The following LHFPL6 variants were observed in gnomAD, a reference collection of about 807,000 sequenced individuals.
LHFPL6 encodes the protein LHFPL tetraspan subfamily member 6 protein.
LHFPL6 carries 9 observed loss-of-function variants against 20.6 expected under a neutral mutation model. The ratio of observed to expected loss-of-function variants is 0.44; its 90% CI spans 0.26 to 0.76. The LOEUF (loss-of-function observed/expected upper bound fraction) is 0.76. Ranked by LOEUF, LHFPL6 falls within the 30% of genes least tolerant of loss-of-function variation. The pLI is 0.20. For missense variants in LHFPL6, 218 were observed against 253.5 expected, an observed-to-expected ratio of 0.86 and a Z score of 0.95; for synonymous variants, 105 against 98.7, an observed-to-expected ratio of 1.06 and a Z score of -0.38.
intron 2 of LHFPL6, among the ~76,000 whole-genome samples, chr13:39,488,914 T>A (rs1316836817): frequency 6.6e-6 from 1 of 152,212 alleles, no homozygotes; most frequent in Non-Finnish European, 1.5e-5. Context: ...TTAGATTCTA[T>A]CTCCTTCATC....
rs150965179 is a variant in LHFPL6 at position 39,397,803 on chromosome 13, T to C, written c.386-19277A>G. 2.6e-5 allele frequency among the ~76,000 whole-genome samples: 4 copies of C among 152,294 alleles called. No individual in the cohort carries two copies. In the East Asian group the frequency reaches 7.7e-4, roughly 29 times the overall value. The stretch of plus-strand genomic sequence containing the variant: ...AATAATTTCCGTTGTCTTCCTTTTG[T>C]TGGAAAGGGGGGGTTACTCAGAAAG... On this transcript the variant is annotated intron_variant, in intron 2 of 3. Transcript: ENST00000379589.
chr13:39,538,282 G>T (rs979264109), intron 2 of LHFPL6, among the ~76,000 whole-genome samples: 1 of 151,254 alleles, frequency 6.6e-6, no homozygotes, highest in African/African-American at 2.4e-5. Flanking sequence ...GAGCCACCAC[G>T]CCCAGCCCAT....
At chr13:39,542,594 G>A (rs1870845262) in intron 2 of LHFPL6, among the ~76,000 whole-genome samples, 1 of 152,182 alleles carries the variant, frequency 6.6e-6, no homozygotes, top group Non-Finnish European at 1.5e-5. Flanking sequence ...TGTTTAACAA[G>A]CCACTCCACT....
intron 2 of LHFPL6, among the ~76,000 whole-genome samples, chr13:39,512,560 C>T (rs1273988996): frequency 2.0e-5 from 3 of 149,614 alleles, no homozygotes; most frequent in East Asian, 3.9e-4. Context: ...CGAGATTGCG[C>T]CACTGCACTC....
intron 3 of LHFPL6, among the ~76,000 whole-genome samples, chr13:39,372,505 A>T (rs1001984036): frequency 6.6e-6 from 1 of 152,232 alleles, no homozygotes; most frequent in South Asian, 2.1e-4. Flanking sequence ...AAATGTGTGG[A>T]TTCACACCTA....
At chr13:39,558,908 T>C (rs902283042) in intron 2 of LHFPL6, among the ~76,000 whole-genome samples, 1 of 152,222 alleles carries the variant, frequency 6.6e-6, no homozygotes, top group Admixed American at 6.5e-5. Flanking sequence ...ATGAATATCG[T>C]TAGAAAATTC....
intron 2 of LHFPL6, among the ~76,000 whole-genome samples, chr13:39,556,836 C>A (rs1871317591): frequency 6.7e-6 from 1 of 149,656 alleles, no homozygotes; most frequent in Non-Finnish European, 1.5e-5. Context: ...ATGGCACATC[C>A]CTGTAGTCCC....
Position 39,421,770 on chromosome 13 carries a change from G to A in LHFPL6, c.386-43244C>T, listed in dbSNP as rs1297811863. 3.3e-5 allele frequency among the ~76,000 whole-genome samples: 5 copies of A among 152,172 alleles called. No individual in the cohort carries two copies. The East Asian group carries it at 7.7e-4, about 23-fold the overall frequency. On this transcript the variant is annotated intron_variant, in intron 2 of 3. Transcript: ENST00000379589. ...TATTGGGGAGAGGATGGAAAAGGCT[G>A]AAAAATGGTTTCAGACTGTCACATT...
At chr13:39,430,708 A>C (rs1443586881) in intron 2 of LHFPL6, among the ~76,000 whole-genome samples, 1 of 152,190 alleles carries the variant, frequency 6.6e-6, no homozygotes, top group Non-Finnish European at 1.5e-5. Flanking sequence ...GTTTGTAAAC[A>C]CATCAATCGG....
In LHFPL6 at chr13:39,343,300, G is replaced by A. The variant is rs1015801573; in HGVS notation, c.*636C>T. 42 of 220,304 alleles carry A rather than the reference G, an allele frequency of 1.9e-4. No individual in the cohort carries two copies. Among genetic ancestry groups the A allele is most frequent in the African/African-American group, 7.6e-4 (34 of 44,670 alleles). The allele number at this position is 220,304 out of a possible 1,614,324, so 13.6% of individuals were successfully genotyped here. On this transcript the variant is annotated 3_prime_UTR_variant, in exon 4 of 4. Coordinates refer to ENST00000379589, the MANE Select transcript of LHFPL6 (RefSeq NM_005780.3). ...TATTGGTCCATTTATTAGGCTTAAT[G>A]TATGTTTTATAAAGTGATAATACTG...
In LHFPL6 at chr13:39,572,183, C is replaced by A. The variant is rs149177956; in HGVS notation, c.385+28649G>T. On this transcript the variant is annotated intron_variant, in intron 2 of 3. Transcript: ENST00000379589. ...GTAAGCTTTCATAAAAATAAAGACA[C>A]CTAATATTGCATACAATCAAATATA... is the stretch of plus-strand genomic sequence containing the variant. Among the ~76,000 whole-genome samples, 250 of 152,192 alleles carry A rather than the reference C, an allele frequency of 1.6e-3. 3 individuals are homozygous for A. The highest frequency in any genetic ancestry group is 6.8e-3 in the Middle Eastern group (2 of 294).
intron 2 of LHFPL6, among the ~76,000 whole-genome samples, chr13:39,586,422 A>C (rs1446173164): frequency 6.6e-6 from 1 of 152,194 alleles, no homozygotes; most frequent in Non-Finnish European, 1.5e-5. Context: ...ACATCTACAT[A>C]CCATGGTAAC....
At chr13:39,542,780 C>A (rs1397965472) in intron 2 of LHFPL6, among the ~76,000 whole-genome samples, 1 of 152,208 alleles carries the variant, frequency 6.6e-6, no homozygotes, top group East Asian at 1.9e-4. Flanking sequence ...ACTTGTCGAG[C>A]CCGTTATGTG....
chr13:39,347,486 A>G (rs1869441064), intron 3 of LHFPL6, among the ~76,000 whole-genome samples: 1 of 152,218 alleles, frequency 6.6e-6, no homozygotes, highest in Non-Finnish European at 1.5e-5. Flanking sequence ...TTTTGGAGAG[A>G]ACTTCCCAAA....
At position 39,345,512 on chromosome 13, in the gene LHFPL6, C is replaced by CAAAAAAAAAAAAAAAAAAAAA. The variant is rs71077225; in HGVS notation, c.485-1479_485-1459dup. Among the ~76,000 whole-genome samples, 41 of 43,450 alleles carry CAAAAAAAAAAAAAAAAAAAAA rather than the reference C, an allele frequency of 9.4e-4. 1 individual carries two copies. The highest frequency in any genetic ancestry group is 1.2e-3 in the Admixed American group (5 of 4,008). The allele number at this position is 43,450 out of a possible 152,430, so 28.5% of individuals were successfully genotyped here. Reference sequence around the variant, plus strand: ...TGGGTCAGGGAGCGAGACTCCATCTCAAAAAAAAAAAAAAAAAAAAAAAAA... The same window carrying CAAAAAAAAAAAAAAAAAAAAA: ...TGGGTCAGGGAGCGAGACTCCATCTCAAAAAAAAAAAAAAAAAAAAAAAAAAAAAAAAAAAAAAAAAAAAAA... On this transcript the variant is annotated intron_variant, in intron 3 of 3. Coordinates refer to ENST00000379589, the MANE Select transcript of LHFPL6 (RefSeq NM_005780.3).
At chr13:39,445,518 T>C (rs940902479) in intron 2 of LHFPL6, among the ~76,000 whole-genome samples, 1 of 152,188 alleles carries the variant, frequency 6.6e-6, no homozygotes, top group Non-Finnish European at 1.5e-5. Flanking sequence ...TAGAACAGAT[T>C]TCAATAGACG....
At chr13:39,388,415 A>G (rs992832892) in intron 2 of LHFPL6, among the ~76,000 whole-genome samples, 2 of 152,070 alleles carry the variant, frequency 1.3e-5, no homozygotes, top group Non-Finnish European at 1.5e-5. Context: ...TCATTGGGAG[A>G]AAAAAAATAA....
chr13:39,446,408 G>A (rs543999928), intron 2 of LHFPL6, among the ~76,000 whole-genome samples: 137 of 152,294 alleles, frequency 9.0e-4, no homozygotes, highest in Admixed American at 1.6e-3. Context: ...AAGCTCTCCC[G>A]ATGTACAGCT....
chr13:39,537,972 T>TTTTC (rs201886210), intron 2 of LHFPL6, among the ~76,000 whole-genome samples: 46 of 131,934 alleles, frequency 3.5e-4, no homozygotes, highest in African/African-American at 1.2e-3. Context: ...TGAATGCCAT[T>TTTTC]TTTCTTTCTT....
Sources: allele counts gnomAD v4.1 joint callset (sites outside exome capture counted in the v4.1 genomes callset), GRCh38; gene constraint gnomAD v4.1.1; transcripts MANE v1.5; gene names NCBI Gene and HGNC (gene_info 2026-07-23, HGNC 2026-07-21).